ZDHHC20: variants seen among roughly 807,000 people sequenced by gnomAD.
The protein encoded by ZDHHC20 is palmitoyltransferase ZDHHC20.
Under a neutral mutation model 57.8 loss-of-function variants are expected in ZDHHC20, and 43 were observed. The observed-to-expected ratio is 0.74, with a 90% confidence interval of 0.58 to 0.96. The LOEUF is 0.96. ZDHHC20 is among the 40% of genes least tolerant of loss of function. ZDHHC20 has a pLI of 0.00. For synonymous variants in ZDHHC20, 157 were observed against 153.0 expected, an observed-to-expected ratio of 1.03 and a Z score of -0.19; for missense variants, 391 against 441.1, an observed-to-expected ratio of 0.89 and a Z score of 1.02.
intron 11 of ZDHHC20, among the ~76,000 whole-genome samples, chr13:21,380,557 G>T (rs970761149): frequency 3.3e-5 from 5 of 151,866 alleles, no homozygotes; most frequent in Non-Finnish European, 5.9e-5. Flanking sequence ...ACTTTGGGGG[G>T]CTGAGGCGGG....
chr13:21,398,356 C>A (rs972131528), intron 7 of ZDHHC20, among the ~76,000 whole-genome samples: 2 of 151,466 alleles, frequency 1.3e-5, no homozygotes, highest in African/African-American at 4.9e-5. Context: ...CCCAGCTACT[C>A]GGGAGGCTGA....
At chr13:21,437,631 T>C (rs1228919563) in intron 1 of ZDHHC20, among the ~76,000 whole-genome samples, 1 of 152,152 alleles carries the variant, frequency 6.6e-6, no homozygotes, top group African/African-American at 2.4e-5. Flanking sequence ...ACTCTGCCTA[T>C]GCTCTAGAAA....
At chr13:21,453,891 G>C (rs1334202660) in intron 1 of ZDHHC20, among the ~76,000 whole-genome samples, 3 of 152,120 alleles carry the variant, frequency 2.0e-5, no homozygotes, top group Admixed American at 1.3e-4. Flanking sequence ...CTGTAACCCA[G>C]GCTGGAGTGC....
chr13:21,402,698 T>C (rs9506668), intron 5 of ZDHHC20, 99 bp downstream of exon 5: 85,966 of 966,762 alleles, frequency 0.089, 4,384 homozygotes, highest in Middle Eastern at 0.12. Context: ...TGAAGTGTTC[T>C]TGTCAAGTGT....
chr13:21,395,090 A>ATC (rs1876539420), intron 7 of ZDHHC20, among the ~76,000 whole-genome samples: 2 of 148,870 alleles, frequency 1.3e-5, no homozygotes, highest in Non-Finnish European at 3.0e-5. Flanking sequence ...TTTTTGAGAT[A>ATC]GAGTCTCGAT....
At chr13:21,409,905 C>T (rs576620317) in intron 4 of ZDHHC20, among the ~76,000 whole-genome samples, 4 of 152,290 alleles carry the variant, frequency 2.6e-5, no homozygotes, top group South Asian at 4.1e-4. Context: ...AACTCAATCT[C>T]GGTCCAGTTT....
chr13:21,387,748 T>A (rs1416387126), intron 8 of ZDHHC20, 114 bp from the exon 9 acceptor site: 5 of 541,780 alleles, frequency 9.2e-6, no homozygotes, highest in Non-Finnish European at 1.4e-5. Context: ...TAAATATAAT[T>A]TAAAATAAAT....
intron 9 of ZDHHC20, 70 bp from the exon 10 acceptor site, chr13:21,383,079 A>C: frequency 7.4e-7 from 1 of 1,343,516 alleles, no homozygotes; most frequent in Non-Finnish European, 1.0e-6. Flanking sequence ...TTTAACACTC[A>C]TTTTTCAGAG....
At chr13:21,385,102 A>G (rs969429704) in intron 9 of ZDHHC20, among the ~76,000 whole-genome samples, 1 of 152,158 alleles carries the variant, frequency 6.6e-6, no homozygotes, top group Admixed American at 6.5e-5. Flanking sequence ...GTAAGATATA[A>G]AAAAAACCAA....
intron 3 of ZDHHC20, among the ~76,000 whole-genome samples, chr13:21,414,262 C>T (rs9509687): frequency 0.61 from 89,647 of 147,286 alleles, 27,594 homozygotes; most frequent in Non-Finnish European, 0.69. Flanking sequence ...TTTTAGCTTT[C>T]GAAAAGTTAA....
At position 21,417,702 on chromosome 13, in the gene ZDHHC20, G is replaced by A. The variant is rs143783958; in HGVS notation, c.249+3359C>T. ...GATCCACCTGCCTCGGCCTCCCAAA[G>A]TGCTAGGATTATAGGGGTGAGCCAC... On this transcript the variant is annotated intron_variant, in intron 3 of 12. Transcript: ENST00000400590. 5.5e-4 allele frequency among the ~76,000 whole-genome samples: 84 copies of A among 152,296 alleles called. 5 individuals are homozygous for A. The East Asian group carries it at 0.016, about 29-fold the overall frequency.
chr13:21,416,623 G>A (rs1226442569), intron 3 of ZDHHC20, among the ~76,000 whole-genome samples: 1 of 152,138 alleles, frequency 6.6e-6, no homozygotes, highest in Non-Finnish European at 1.5e-5. Context: ...ATATTACAAG[G>A]TATGATAAAA....
intron 7 of ZDHHC20, among the ~76,000 whole-genome samples, chr13:21,397,918 T>C (rs1382306820): frequency 6.6e-6 from 1 of 152,086 alleles, no homozygotes; most frequent in Admixed American, 6.6e-5. Context: ...GTCTAAACCA[T>C]GTCTGTGATA....
chr13:21,421,179 CA>C lies in ZDHHC20; in HGVS notation c.146-16del. On this transcript the variant is annotated splice_polypyrimidine_tract_variant and intron_variant, in intron 2 of 12. Transcript: ENST00000400590. ...AACGGTCTTTCCTGGTAAATAAAAA[CA>C]AATAACAGTTCATTGAATCCAGGTG... 1 of 1,602,844 alleles carries C rather than the reference CA, an allele frequency of 6.2e-7. No homozygotes were observed. Among genetic ancestry groups the C allele is most frequent in the Non-Finnish European group, 8.5e-7 (1 of 1,171,382 alleles).
intron 1 of ZDHHC20, among the ~76,000 whole-genome samples, chr13:21,447,672 T>C (rs1272840078): frequency 2.3e-5 from 3 of 128,648 alleles, no homozygotes; most frequent in African/African-American, 8.3e-5. Flanking sequence ...CCTCCCAGAG[T>C]GCCGAGATTG....
intron 3 of ZDHHC20, among the ~76,000 whole-genome samples, chr13:21,414,133 A>C (rs1166367073): frequency 1.3e-5 from 2 of 152,082 alleles, no homozygotes; most frequent in African/African-American, 4.8e-5. Flanking sequence ...TTTTGCAAGA[A>C]TGTCCAAAGA....
intron 1 of ZDHHC20, 71 bp downstream of exon 1, chr13:21,458,983 G>A (rs57438463): frequency 1.7e-6 from 2 of 1,173,326 alleles, no homozygotes; most frequent in South Asian, 3.2e-5. Flanking sequence ...GGCGGGTGTG[G>A]GGCGCAGAGG....
chr13:21,449,474 C>T (rs902318663), intron 1 of ZDHHC20, among the ~76,000 whole-genome samples: 1 of 151,958 alleles, frequency 6.6e-6, no homozygotes, highest in Non-Finnish European at 1.5e-5. Flanking sequence ...TACATGATGA[C>T]GGGAATGTCC....
chr13:21,403,173 AT>A (rs1211458690), intron 4 of ZDHHC20, among the ~76,000 whole-genome samples: 3 of 152,158 alleles, frequency 2.0e-5, no homozygotes, highest in Non-Finnish European at 1.5e-5. Flanking sequence ...AGAACTCAAG[AT>A]TTAGTAAGTC....
Sources: allele counts gnomAD v4.1 joint callset (sites outside exome capture counted in the v4.1 genomes callset), GRCh38; gene constraint gnomAD v4.1.1; transcripts MANE v1.5; gene names NCBI Gene and HGNC (gene_info 2026-07-23, HGNC 2026-07-21).